The following ZNF277 variants were observed in gnomAD, a reference collection of about 807,000 sequenced individuals.
ZNF277 encodes the protein zinc finger protein 277.
Under a neutral mutation model 60.7 loss-of-function variants are expected in ZNF277, and 55 were observed. The ratio of observed to expected loss-of-function variants is 0.91; its 90% CI spans 0.73 to 1.13. The LOEUF is 1.13. Among genes scored for constraint, ZNF277 ranks in the 50% most tolerant of loss-of-function variants. ZNF277 has a pLI of 0.00. For synonymous variants in ZNF277, 178 were observed against 179.3 expected (o/e 0.99, Z 0.06); for missense variants, 510 against 523.0 (o/e 0.98, Z 0.24).
At chr7:112,213,911 G>C (rs781498635) in intron 1 of ZNF277, among the ~76,000 whole-genome samples, 25 of 152,160 alleles carry the variant, frequency 1.6e-4, no homozygotes, top group Non-Finnish European at 3.2e-4. Context: ...TATCTATATT[G>C]CTGGGATGTG....
At chr7:112,313,510 T>C (rs1439332603) in intron 4 of ZNF277, among the ~76,000 whole-genome samples, 1 of 152,016 alleles carries the variant, frequency 6.6e-6, no homozygotes, top group African/African-American at 2.4e-5. Flanking sequence ...GTTTATAGTA[T>C]TAAAAGTAAA....
At chr7:112,297,350 G>A (rs1054204892) in intron 4 of ZNF277, among the ~76,000 whole-genome samples, 5 of 152,106 alleles carry the variant, frequency 3.3e-5, no homozygotes, top group African/African-American at 1.2e-4. Context: ...TTGACTTGCT[G>A]TTCCTTTAGT....
intron 1 of ZNF277, 95 bp from the exon 2 acceptor site, chr7:112,286,778 C>CT: frequency 9.6e-7 from 1 of 1,036,626 alleles, no homozygotes. Context: ...TCTTTAGGAT[C>CT]TTTTTAATGC....
intron 1 of ZNF277, among the ~76,000 whole-genome samples, chr7:112,257,954 C>T (rs1170996201): frequency 6.6e-6 from 1 of 152,024 alleles, no homozygotes; most frequent in Non-Finnish European, 1.5e-5. Flanking sequence ...GGTAGGACTG[C>T]AGGACACACC....
chr7:112,323,437 C>T (rs530697841), intron 5 of ZNF277, among the ~76,000 whole-genome samples: 1 of 152,254 alleles, frequency 6.6e-6, no homozygotes, highest in African/African-American at 2.4e-5. Flanking sequence ...TAAAGACAAA[C>T]CCTGTGAATG....
intron 1 of ZNF277, among the ~76,000 whole-genome samples, chr7:112,248,932 A>G (rs1791141736): frequency 6.6e-6 from 1 of 152,058 alleles, no homozygotes; most frequent in Non-Finnish European, 1.5e-5. Flanking sequence ...ATAAAACACA[A>G]TCTGGATTGA....
At chr7:112,249,804 T>G (rs1471385096) in intron 1 of ZNF277, among the ~76,000 whole-genome samples, 2 of 152,222 alleles carry the variant, frequency 1.3e-5, no homozygotes, top group Non-Finnish European at 2.9e-5. Context: ...GTCAATACCC[T>G]TGTGATTTCC....
rs188250972 is a variant in ZNF277 at position 112,210,132 on chromosome 7, A to T, written c.91+3325A>T. On this transcript the variant is annotated intron_variant, in intron 1 of 11. Transcript: ENST00000361822. ...TCCAAGTTGTGCACATGTACCCTGGAACTTAAAGTATAATAAAAATAAAAT... is the reference window on the plus strand; with the variant it reads ...TCCAAGTTGTGCACATGTACCCTGGTACTTAAAGTATAATAAAAATAAAAT... 6.6e-5 allele frequency among the ~76,000 whole-genome samples: 10 copies of T among 152,332 alleles called. No homozygotes were observed. In the East Asian group the frequency reaches 1.7e-3, roughly 26 times the overall value.
intron 1 of ZNF277, 68 bp downstream of exon 1, chr7:112,206,875 C>T: frequency 1.3e-6 from 2 of 1,512,984 alleles, no homozygotes; most frequent in Admixed American, 1.8e-5. Context: ...GTGCAACGGA[C>T]CTCTGGTCTG....
intron 1 of ZNF277, among the ~76,000 whole-genome samples, chr7:112,260,627 T>A (rs912070366): frequency 2.0e-5 from 3 of 152,170 alleles, no homozygotes; most frequent in Middle Eastern, 3.2e-3. Context: ...CTTGCTCTTA[T>A]AGGGTGTTAT....
chr7:112,261,945 A>T (rs1031211531), intron 1 of ZNF277, among the ~76,000 whole-genome samples: 1 of 152,162 alleles, frequency 6.6e-6, no homozygotes, highest in African/African-American at 2.4e-5. Flanking sequence ...AGAATGGTTT[A>T]GTTTTTAAAG....
chr7:112,298,818 G>GA (rs893534361), intron 4 of ZNF277, among the ~76,000 whole-genome samples: 2 of 152,158 alleles, frequency 1.3e-5, no homozygotes, highest in Non-Finnish European at 1.5e-5. Context: ...ATTTGCCCAG[G>GA]AACACATAGT....
intron 4 of ZNF277, among the ~76,000 whole-genome samples, chr7:112,302,764 C>G (rs1792506611): frequency 6.6e-6 from 1 of 151,860 alleles, no homozygotes; most frequent in Non-Finnish European, 1.5e-5. Context: ...AAATATTACC[C>G]CTGTTTAACA....
chr7:112,319,682 A>T (rs1317514245), intron 5 of ZNF277, among the ~76,000 whole-genome samples: 3 of 147,464 alleles, frequency 2.0e-5, no homozygotes, highest in African/African-American at 4.9e-5. Flanking sequence ...ATATTATATA[A>T]ATTATATAAA....
intron 7 of ZNF277, among the ~76,000 whole-genome samples, chr7:112,335,613 G>A (rs187688379): frequency 1.3e-5 from 2 of 152,140 alleles, no homozygotes; most frequent in East Asian, 3.9e-4. Context: ...ACCTTTTGAG[G>A]TAGAATCTAA....
At chr7:112,340,576 A>G (rs1447047855) in intron 10 of ZNF277, among the ~76,000 whole-genome samples, 1 of 152,218 alleles carries the variant, frequency 6.6e-6, no homozygotes, top group Non-Finnish European at 1.5e-5. Flanking sequence ...GCTGACAGCT[A>G]TCTATGCGAT....
At chr7:112,307,485 G>A (rs1165008220) in intron 4 of ZNF277, among the ~76,000 whole-genome samples, 1 of 151,646 alleles carries the variant, frequency 6.6e-6, no homozygotes, top group Non-Finnish European at 1.5e-5. Context: ...TGTGATCTCG[G>A]CTCACTGCAG....
chr7:112,230,493 A>G (rs1042323672), intron 1 of ZNF277, among the ~76,000 whole-genome samples: 1 of 152,222 alleles, frequency 6.6e-6, no homozygotes, highest in African/African-American at 2.4e-5. Flanking sequence ...CTTCTCGACC[A>G]GAGAACAGAG....
At chr7:112,220,645 T>C (rs1822002903) in intron 1 of ZNF277, among the ~76,000 whole-genome samples, 1 of 152,182 alleles carries the variant, frequency 6.6e-6, no homozygotes, top group South Asian at 2.1e-4. Context: ...AGCAAGGCCT[T>C]ATTCAGAGAC....
Sources: allele counts gnomAD v4.1 joint callset (sites outside exome capture counted in the v4.1 genomes callset), GRCh38; gene constraint gnomAD v4.1.1; transcripts MANE v1.5; gene names NCBI Gene and HGNC (gene_info 2026-07-23, HGNC 2026-07-21).